Variants in FUT9 observed in about 807,000 individuals in gnomAD.
The protein encoded by FUT9 is 4-galactosyl-N-acetylglucosaminide 3-alpha-L-fucosyltransferase 9.
Under a neutral mutation model 29.7 loss-of-function variants are expected in FUT9, and 15 were observed. That is an observed-to-expected ratio of 0.51 (90% CI 0.34 to 0.78). FUT9 has a LOEUF of 0.78. Among genes scored for constraint, FUT9 ranks in the 30% least tolerant of loss-of-function variants. The pLI is 0.01. For missense variants in FUT9, 319 were observed against 425.4 expected, an observed-to-expected ratio of 0.75 and a Z score of 2.20; for synonymous variants, 169 against 153.7, an observed-to-expected ratio of 1.10 and a Z score of -0.74.
chr6:96,037,677 GAA>G (rs5878412), intron 1 of FUT9, among the ~76,000 whole-genome samples: 2 of 135,884 alleles, frequency 1.5e-5, no homozygotes, highest in East Asian at 3.0e-4. Context: ...TCATTAGTGT[GAA>G]AAAAAAATTT....
intron 1 of FUT9, among the ~76,000 whole-genome samples, chr6:96,065,428 T>A (rs2127945688): frequency 6.6e-6 from 1 of 152,278 alleles, no homozygotes; most frequent in African/African-American, 2.4e-5. Flanking sequence ...ATATGTTTAT[T>A]GAGAAGATTG....
chr6:96,076,706 G>C (rs1417946039), intron 1 of FUT9, among the ~76,000 whole-genome samples: 1 of 152,116 alleles, frequency 6.6e-6, no homozygotes, highest in African/African-American at 2.4e-5. Context: ...GAAATTCAAA[G>C]TTAACATAGG....
intron 2 of FUT9, among the ~76,000 whole-genome samples, chr6:96,193,553 A>G (rs1008204061): frequency 2.0e-5 from 3 of 151,740 alleles, no homozygotes; most frequent in African/African-American, 7.3e-5. Context: ...TCAGGAAACA[A>G]CAAGTGCTGG....
At chr6:96,145,109 G>T (rs760386986) in intron 2 of FUT9, among the ~76,000 whole-genome samples, 2 of 152,106 alleles carry the variant, frequency 1.3e-5, no homozygotes, top group Non-Finnish European at 2.9e-5. Flanking sequence ...CCAGGCTGGA[G>T]TGCAGTGGCA....
intron 1 of FUT9, among the ~76,000 whole-genome samples, chr6:96,083,779 A>T (rs952849123): frequency 6.6e-6 from 1 of 152,082 alleles, no homozygotes; most frequent in Non-Finnish European, 1.5e-5. Context: ...TTAGCATAAT[A>T]ACCCTTCAAA....
chr6:96,070,885 G>A (rs1267400304), intron 1 of FUT9, among the ~76,000 whole-genome samples: 2 of 151,984 alleles, frequency 1.3e-5, no homozygotes, highest in Non-Finnish European at 2.9e-5. Context: ...GCATTGCTTT[G>A]CTAAGGATGC....
At position 96,203,760 on chromosome 6, in the gene FUT9, G is replaced by T; in HGVS notation, c.605G>T (p.Arg202Ile). 2 of 1,614,068 alleles carry T rather than the reference G, an allele frequency of 1.2e-6. No homozygotes were observed. Among genetic ancestry groups the T allele is most frequent in the Non-Finnish European group, 1.7e-6 (2 of 1,180,008 alleles). Residue 202 changes from arginine to isoleucine, a missense_variant, in exon 3 of 3, where the codon AGA (arginine) becomes ATA (isoleucine). Transcript: ENST00000302103. ...VVSNWNPEHA[R>I]VKYYNELSKS... ...AGTAACTGGAACCCTGAGCATGCCA[G>T]AGTCAAGTATTACAATGAGCTAAGC... is the stretch of plus-strand genomic sequence containing the variant.
intron 1 of FUT9, among the ~76,000 whole-genome samples, chr6:96,058,496 A>G (rs1274539614): frequency 4.7e-5 from 7 of 148,634 alleles, no homozygotes; most frequent in Non-Finnish European, 7.5e-5. Flanking sequence ...AGCCAGAAAA[A>G]AGCCACAGTT....
intron 1 of FUT9, among the ~76,000 whole-genome samples, chr6:96,105,604 CTG>C (rs1394808336): frequency 6.6e-6 from 1 of 152,086 alleles, no homozygotes; most frequent in Non-Finnish European, 1.5e-5. Context: ...AAATGAAAAG[CTG>C]TGTCTTAAGT....
intron 2 of FUT9, among the ~76,000 whole-genome samples, chr6:96,158,000 T>G (rs1772822668): frequency 6.6e-6 from 1 of 152,144 alleles, no homozygotes; most frequent in African/African-American, 2.4e-5. Context: ...TATCCAGTCT[T>G]AAAGAATCAC....
chr6:96,155,229 G>C (rs1225541278), intron 2 of FUT9, among the ~76,000 whole-genome samples: 7 of 151,954 alleles, frequency 4.6e-5, no homozygotes, highest in Non-Finnish European at 1.0e-4. Flanking sequence ...GAGTTAGAAG[G>C]GGTAAAAAAA....
chr6:96,044,360 G>A (rs1770521860), intron 1 of FUT9, among the ~76,000 whole-genome samples: 1 of 152,130 alleles, frequency 6.6e-6, no homozygotes, highest in Admixed American at 6.5e-5. Flanking sequence ...GAACTAAATA[G>A]CAAACCCATT....
At chr6:96,090,708 A>G (rs1771397007) in intron 1 of FUT9, among the ~76,000 whole-genome samples, 1 of 151,978 alleles carries the variant, frequency 6.6e-6, no homozygotes, top group Admixed American at 6.6e-5. Flanking sequence ...TAAATCACAG[A>G]GACAGTATGA....
At chr6:96,131,371 A>T (rs1175524727) in intron 2 of FUT9, among the ~76,000 whole-genome samples, 1 of 151,990 alleles carries the variant, frequency 6.6e-6, no homozygotes, top group Non-Finnish European at 1.5e-5. Flanking sequence ...CCATATTTAT[A>T]TTGTAAGTGG....
intron 2 of FUT9, among the ~76,000 whole-genome samples, chr6:96,115,682 A>G: frequency 6.6e-6 from 1 of 152,194 alleles, no homozygotes; most frequent in Non-Finnish European, 1.5e-5. Flanking sequence ...CTACCTAATG[A>G]ATTTTGAAGG....
At chr6:96,098,029 C>T (rs1345946821) in intron 1 of FUT9, among the ~76,000 whole-genome samples, 1 of 151,840 alleles carries the variant, frequency 6.6e-6, no homozygotes, top group African/African-American at 2.4e-5. Context: ...GTAGAGGATT[C>T]TAGGGTCAGG....
intron 1 of FUT9, among the ~76,000 whole-genome samples, chr6:96,021,398 A>G (rs912934057): frequency 6.6e-6 from 1 of 151,962 alleles, no homozygotes; most frequent in African/African-American, 2.4e-5. Flanking sequence ...TAATCTTTTA[A>G]TGGAAATGTA....
intron 2 of FUT9, among the ~76,000 whole-genome samples, chr6:96,153,296 T>C (rs1222285982): frequency 1.3e-5 from 2 of 152,166 alleles, no homozygotes; most frequent in Admixed American, 6.6e-5. Context: ...CATCTGGATG[T>C]GCTCTGTGCC....
chr6:96,136,779 A>T (rs1772356135), intron 2 of FUT9, among the ~76,000 whole-genome samples: 1 of 152,002 alleles, frequency 6.6e-6, no homozygotes. Flanking sequence ...GCATTGTGGG[A>T]TTTAAAACAA....
Sources: allele counts gnomAD v4.1 joint callset (sites outside exome capture counted in the v4.1 genomes callset), GRCh38; gene constraint gnomAD v4.1.1; transcripts MANE v1.5; gene names NCBI Gene and HGNC (gene_info 2026-07-23, HGNC 2026-07-21).